KCNT2: variants seen among roughly 807,000 people sequenced by gnomAD.
KCNT2 encodes potassium sodium-activated channel subfamily T member 2.
KCNT2 carries 67 observed loss-of-function variants against 153.8 expected under a neutral mutation model. That is an observed-to-expected ratio of 0.44 (90% confidence interval 0.36 to 0.53). The LOEUF is 0.53. KCNT2 is among the 20% of genes least tolerant of loss of function. The pLI is 0.00. For missense variants in KCNT2, 975 were observed against 1,354.8 expected (o/e 0.72, Z 4.40); for synonymous variants, 500 against 458.8 (o/e 1.09, Z -1.15).
chr1:196,342,287 TA>T (rs1665717517), intron 14 of KCNT2, 59 bp from the exon 15 acceptor site: 3 of 1,464,100 alleles, frequency 2.0e-6, no homozygotes, highest in Non-Finnish European at 9.4e-7. Context: ...TGAATGTGGT[TA>T]AAAAACAGTT....
At chr1:196,327,039 C>T (rs1443086615) in intron 18 of KCNT2, 150 bp from the exon 19 acceptor site, 2 of 543,670 alleles carry the variant, frequency 3.7e-6, no homozygotes, top group Non-Finnish European at 6.3e-6. Context: ...TTTTCTGTGC[C>T]CATTTCTGCA....
chr1:196,257,422 C>T (rs1656610490), intron 26 of KCNT2: 1 of 968,846 alleles, frequency 1.0e-6, no homozygotes, highest in Non-Finnish European at 1.2e-6. Context: ...TCTTAACTTG[C>T]ATGATACTAA....
intron 22 of KCNT2, 48 bp from the exon 23 acceptor site, chr1:196,285,806 A>G (rs1659600292): frequency 9.5e-7 from 1 of 1,050,120 alleles, no homozygotes; most frequent in East Asian, 2.4e-5. Flanking sequence ...TCCACATTTT[A>G]TGCATTTCTG....
At chr1:196,608,114 G>A (rs925634640) in intron 1 of KCNT2, 101 bp downstream of exon 1, 2 of 1,010,378 alleles carry the variant, frequency 2.0e-6, no homozygotes, top group Non-Finnish European at 3.2e-6. Flanking sequence ...TCCCTCTCTG[G>A]CTCCGTTTTC....
intron 1 of KCNT2, 63 bp downstream of exon 1, chr1:196,608,152 C>T (rs1212549586): frequency 1.4e-6 from 2 of 1,446,676 alleles, no homozygotes; most frequent in Non-Finnish European, 1.9e-6. Flanking sequence ...CCCACTTCGG[C>T]CCTCCCATTT....
In KCNT2 at chr1:196,408,768, C is replaced by G. The variant is rs557846546; in HGVS notation, c.1186-10097G>C. On this transcript the variant is annotated intron_variant, in intron 12 of 27. Coordinates refer to ENST00000294725, the MANE Select transcript of KCNT2 (RefSeq NM_198503.5). ...ACATATTCTGTAGGTTTTAAATTCT[C>G]TGCTATATCTTTTCTGGTCCAGAAT... Among the ~76,000 whole-genome samples the G allele has an allele frequency of 2.6e-5, 4 of 151,698 alleles. No individual in the cohort carries two copies. The East Asian group carries it at 7.8e-4, about 30-fold the overall frequency.
intron 1 of KCNT2, among the ~76,000 whole-genome samples, chr1:196,567,698 A>G (rs890707426): frequency 6.6e-6 from 1 of 152,218 alleles, no homozygotes; most frequent in African/African-American, 2.4e-5. Flanking sequence ...GAAAAGTTAG[A>G]TGTTCTGTGG....
chr1:196,277,632 A>G (rs1658692942), intron 25 of KCNT2, among the ~76,000 whole-genome samples: 1 of 152,136 alleles, frequency 6.6e-6, no homozygotes. Context: ...AGACTCTCCA[A>G]TAGTAATTAC....
chr1:196,345,002 T>A (rs1019597593), intron 14 of KCNT2, among the ~76,000 whole-genome samples: 3 of 152,172 alleles, frequency 2.0e-5, no homozygotes, highest in Non-Finnish European at 4.4e-5. Context: ...ATGCTAGACA[T>A]CAATATTACA....
intron 1 of KCNT2, among the ~76,000 whole-genome samples, chr1:196,587,369 G>C (rs1193388785): frequency 2.0e-5 from 3 of 151,916 alleles, no homozygotes; most frequent in Non-Finnish European, 4.4e-5. Flanking sequence ...GTTACTAAAC[G>C]CTGGAAGAGG....
chr1:196,498,653 C>T (rs1289079737), intron 1 of KCNT2, among the ~76,000 whole-genome samples: 4 of 152,128 alleles, frequency 2.6e-5, no homozygotes, highest in African/African-American at 9.7e-5. Context: ...CCCAGTACAA[C>T]TTGCATTTCT....
chr1:196,580,117 A>G (rs1054557889), intron 1 of KCNT2, among the ~76,000 whole-genome samples: 1 of 152,174 alleles, frequency 6.6e-6, no homozygotes, highest in Non-Finnish European at 1.5e-5. Flanking sequence ...GTGCTTCACC[A>G]ATACAAAAGA....
chr1:196,582,468 A>G (rs912396911), intron 1 of KCNT2: 4 of 154,316 alleles, frequency 2.6e-5, no homozygotes, highest in Middle Eastern at 5.1e-4. Flanking sequence ...AAGGTGTTCA[A>G]ATTAGGCACT....
rs1671677213 is a variant in KCNT2, at chr1:196,404,568, TG to T, written c.1186-5898del. 3.3e-5 allele frequency among the ~76,000 whole-genome samples: 5 copies of T among 151,620 alleles called. No homozygotes were observed. The South Asian group carries it at 1.0e-3, about 31-fold the overall frequency. On this transcript the variant is annotated intron_variant, in intron 12 of 27. Transcript: ENST00000294725. ...GACCATTTGCCAAGAACATTCTTTATGGGCTCAGCCCTATTCATGCCTCTCA... is the reference window on the plus strand; with the variant it reads ...GACCATTTGCCAAGAACATTCTTTATGGCTCAGCCCTATTCATGCCTCTCA...
rs1188471812 is a variant in KCNT2 at position 196,228,261 on chromosome 1, A to T, written c.3371T>A (p.Val1124Asp). ...TTCCTCCCGAGAATCTTGACCAGTGACATTGCAGATGCTGTTTCTTCGACT... is the reference window on the plus strand; with the variant it reads ...TTCCTCCCGAGAATCTTGACCAGTGTCATTGCAGATGCTGTTTCTTCGACT... ...EPSRRNSICN[V>D]TGQDSREETQ... Residue 1124 changes from valine (V) to aspartate (D), a missense_variant, in exon 28 of 28, where the codon GTC (valine) becomes GAC (aspartate). By Grantham distance (152) the Val-to-Asp change is radical. Transcript: ENST00000294725. The T allele has an allele frequency of 1.9e-6, 3 of 1,611,544 alleles. No individual in the cohort carries two copies. Among genetic ancestry groups the T allele is most frequent in the Non-Finnish European group, 2.5e-6 (3 of 1,178,164 alleles).
chr1:196,429,566 G>T lies in KCNT2; in HGVS notation c.819+11C>A, dbSNP rs369690261. ...GTACATTTCTATGCAATATAAGATG[G>T]TTTTGTTTACCTGTATGGGTAGAAC... is the stretch of plus-strand genomic sequence containing the variant. On this transcript the variant is annotated intron_variant, in intron 9 of 27. Transcript: ENST00000294725. The T allele has an allele frequency of 7.6e-6, 12 of 1,580,398 alleles. No individual in the cohort carries two copies. The highest frequency in any genetic ancestry group is 1.7e-4 in the Middle Eastern group (1 of 5,900).
At chr1:196,398,194 T>A (rs1200416676) in intron 13 of KCNT2, among the ~76,000 whole-genome samples, 1 of 151,502 alleles carries the variant, frequency 6.6e-6, no homozygotes, top group African/African-American at 2.4e-5. Context: ...CAATTATCTA[T>A]AGCCAAATAT....
chr1:196,522,194 G>A (rs1025277660), intron 1 of KCNT2, among the ~76,000 whole-genome samples: 1 of 152,026 alleles, frequency 6.6e-6, no homozygotes, highest in African/African-American at 2.4e-5. Context: ...TACAAATTTT[G>A]TCTTTTTGTA....
At chr1:196,338,542 T>A (rs16839795) in intron 16 of KCNT2, among the ~76,000 whole-genome samples, 7,412 of 152,098 alleles carry the variant, frequency 0.049, 282 homozygotes, top group Non-Finnish European at 0.072. Context: ...AAACAAGAAC[T>A]TTTGGTTATC....
Sources: allele counts gnomAD v4.1 joint callset (sites outside exome capture counted in the v4.1 genomes callset), GRCh38; gene constraint gnomAD v4.1.1; transcripts MANE v1.5; gene names NCBI Gene and HGNC (gene_info 2026-07-23, HGNC 2026-07-21).